WWC2: variants seen among roughly 807,000 people sequenced by gnomAD.
WWC2 encodes the protein WW and C2 domain containing 2, also known as protein WWC2.
In WWC2, 101 loss-of-function variants were observed where a neutral mutation model predicts 138.5. The observed-to-expected ratio is 0.73, with a 90% confidence interval of 0.62 to 0.86. The LOEUF is 0.86. Among genes scored for constraint, WWC2 ranks in the 40% least tolerant of loss-of-function variants. The pLI, the probability that WWC2 is intolerant of heterozygous loss-of-function variation, is 0.00. For missense variants in WWC2, 1,420 were observed against 1,419.4 expected (o/e 1.00, Z -0.01); for synonymous variants, 558 against 538.4 (o/e 1.04, Z -0.50).
chr4:183,137,372 ATATT>A (rs900698146), intron 1 of WWC2, among the ~76,000 whole-genome samples: 109 of 152,048 alleles, frequency 7.2e-4, no homozygotes, highest in Non-Finnish European at 1.3e-3. Context: ...TTGTTTTAAA[ATATT>A]TATTTATTTT....
Position 183,113,521 on chromosome 4 carries a change from C to T in WWC2, c.131+13899C>T, listed in dbSNP as rs533873839. Among the ~76,000 whole-genome samples, 658 of 146,616 alleles carry T rather than the reference C, an allele frequency of 4.5e-3. 2 individuals are homozygous for T. The highest frequency in any genetic ancestry group is 0.017 in the Middle Eastern group (5 of 286). ...GTGTGTGTGTGTGTGTGTGTGCGCG[C>T]GCGTGCGCGCGCACATGCACGTGCA... On this transcript the variant is annotated intron_variant, in intron 1 of 22. Transcript: ENST00000403733.
At position 183,312,413 on chromosome 4, in the gene WWC2, G is replaced by A. The variant is rs141307236; in HGVS notation, c.3457G>A (p.Val1153Met). 47 of 1,613,716 alleles carry A rather than the reference G, an allele frequency of 2.9e-5. 1 individual carries two copies. The highest frequency in any genetic ancestry group is 3.3e-4 in the Middle Eastern group (2 of 6,084). Residue 1153 changes from valine to methionine, a missense_variant, in exon 22 of 23, where the codon GTG becomes ATG. Val to Met is a conservative substitution (Grantham distance 21). Coordinates refer to ENST00000403733, the MANE Select transcript of WWC2 (RefSeq NM_024949.6). The stretch of plus-strand genomic sequence containing the variant: ...GTTGATGAGGCAAGTCTCCAAGGAC[G>A]TGTGTCGGCTCCGGGAGCAGAGCCA... ...EKLMRQVSKD[V>M]CRLREQSQKV... is the part of the protein sequence containing the mutation.
intron 1 of WWC2, among the ~76,000 whole-genome samples, chr4:183,120,263 C>T (rs1417478289): frequency 6.6e-6 from 1 of 152,124 alleles, no homozygotes; most frequent in Non-Finnish European, 1.5e-5. Flanking sequence ...TGAAAAACAC[C>T]TTTATTCATG....
chr4:183,282,713 C>T lies in WWC2; in HGVS notation c.2690C>T (p.Thr897Ile). 1.3e-6 allele frequency: 2 copies of T among 1,566,912 alleles called. No homozygotes were observed. The highest frequency in any genetic ancestry group is 1.7e-6 in the Non-Finnish European group (2 of 1,155,052). ...TTGTTTTTGTTTTACCATAGGCTAA[C>T]AATGCTAAGAGAGGCCTCTGATGAA... Reference protein sequence around the residue: ...EPRGPDGDWLTMLREASDEIV... With the variant: ...EPRGPDGDWLIMLREASDEIV... Residue 897 changes from threonine (T) to isoleucine (I), a missense_variant, in exon 18 of 23, where the codon ACA becomes ATA. Coordinates refer to ENST00000403733, the MANE Select transcript of WWC2 (RefSeq NM_024949.6).
At chr4:183,121,403 A>G (rs550703254) in intron 1 of WWC2, among the ~76,000 whole-genome samples, 2 of 152,158 alleles carry the variant, frequency 1.3e-5, no homozygotes, top group East Asian at 3.9e-4. Context: ...GAACATCCCT[A>G]AACCAAAAAT....
At chr4:183,119,557 C>T (rs1263639631) in intron 1 of WWC2, among the ~76,000 whole-genome samples, 1 of 152,132 alleles carries the variant, frequency 6.6e-6, no homozygotes, top group Non-Finnish European at 1.5e-5. Flanking sequence ...AAAGCCCCTC[C>T]TCATATTTAC....
In WWC2 at chr4:183,262,637, T is replaced by A. The variant is rs185870358; in HGVS notation, c.1909+1105T>A. Among the ~76,000 whole-genome samples, 118 of 152,322 alleles carry A rather than the reference T, an allele frequency of 7.7e-4. 1 individual carries two copies. The highest frequency in any genetic ancestry group is 2.5e-3 in the African/African-American group (105 of 41,570). ...TTGTGCGCCCTCTCCTGGGGAGATG[T>A]CAAAGCTACAAGTAGCAGGTTATGG... is the stretch of plus-strand genomic sequence containing the variant. On this transcript the variant is annotated intron_variant, in intron 11 of 22. Transcript: ENST00000403733.
At chr4:183,195,010 G>A (rs1323990572) in intron 2 of WWC2, among the ~76,000 whole-genome samples, 1 of 152,174 alleles carries the variant, frequency 6.6e-6, no homozygotes, top group Non-Finnish European at 1.5e-5. Flanking sequence ...ATCAATGATT[G>A]TGTTTTTAAG....
chr4:183,201,788 A>T (rs1735305911), intron 2 of WWC2, among the ~76,000 whole-genome samples: 1 of 152,182 alleles, frequency 6.6e-6, no homozygotes, highest in African/African-American at 2.4e-5. Context: ...CAGAAAATTG[A>T]TAGTATTTCT....
chr4:183,320,051 G>A lies in WWC2; in HGVS notation c.*4322G>A. 6.2e-7 allele frequency: 1 copy of A among 1,614,060 alleles called. No individual in the cohort carries two copies. Among genetic ancestry groups the A allele is most frequent in the South Asian group, 1.1e-5 (1 of 91,062 alleles). ...TGCATTGCATCCCCACTTCCTCTTG[G>A]ATGACACAGGTTTGCCAGAGTCCCA... On this transcript the variant is annotated 3_prime_UTR_variant, in exon 23 of 23. Transcript: ENST00000403733.
intron 2 of WWC2, among the ~76,000 whole-genome samples, chr4:183,200,516 G>T (rs1169762157): frequency 2.6e-5 from 4 of 151,688 alleles, no homozygotes; most frequent in African/African-American, 9.7e-5. Context: ...TGGTTTCTGT[G>T]GGCCATGAAT....
At chr4:183,243,452 T>C (rs977960990) in intron 5 of WWC2, among the ~76,000 whole-genome samples, 5 of 152,170 alleles carry the variant, frequency 3.3e-5, no homozygotes, top group South Asian at 2.1e-4. Flanking sequence ...CTCAGCCAAG[T>C]TGGTGGATAT....
intron 14 of WWC2, among the ~76,000 whole-genome samples, chr4:183,266,462 C>G (rs1737508386): frequency 6.6e-6 from 1 of 152,154 alleles, no homozygotes; most frequent in African/African-American, 2.4e-5. Context: ...AACCAAGAAT[C>G]CCAACAAAGT....
chr4:183,249,935 A>C lies in WWC2; in HGVS notation c.895A>C (p.Arg299=). 1 of 1,613,682 alleles carries C rather than the reference A, an allele frequency of 6.2e-7. No homozygotes were observed. The highest frequency in any genetic ancestry group is 8.5e-7 in the Non-Finnish European group (1 of 1,179,722). ...TTTCCACTAGATTGGAGTAAGAAGT[A>C]GATCAAATTTAGCTGAAAAGGTCAG... ...SISGDIGVRS[R]SNLAEKVRLS... is the part of the protein sequence containing the mutation. Residue 299 remains arginine (R), a synonymous_variant, in exon 8 of 23, where the codon AGA becomes CGA. Transcript: ENST00000403733.
rs765691328 is a variant in WWC2, at chr4:183,289,594, G to T, written c.3343G>T (p.Asp1115Tyr). 1.9e-6 allele frequency: 3 copies of T among 1,613,840 alleles called. No individual in the cohort carries two copies. In the African/African-American group the frequency reaches 4.0e-5, roughly 22 times the overall value. Residue 1115 changes from aspartate (D) to tyrosine (Y), a missense_variant, in exon 21 of 23, where the codon GAT (aspartate) becomes TAT (tyrosine). Asp to Tyr is a radical substitution (Grantham distance 160). Coordinates refer to ENST00000403733, the MANE Select transcript of WWC2 (RefSeq NM_024949.6). Reference sequence around the variant, plus strand: ...TGACCTTCCACCAGGCGTGCTGGAGGATGAGAGGTTCCAGAGGCTTCTGAA... The same window carrying T: ...TGACCTTCCACCAGGCGTGCTGGAGTATGAGAGGTTCCAGAGGCTTCTGAA... ...ETDLPPGVLE[D>Y]ERFQRLLKQA... is the part of the protein sequence containing the mutation.
chr4:183,314,760 T>G (rs1739377957), intron 22 of WWC2, among the ~76,000 whole-genome samples: 1 of 152,252 alleles, frequency 6.6e-6, no homozygotes, highest in Non-Finnish European at 1.5e-5. Context: ...ACTCGTGGCA[T>G]TTTTTGTTCT....
intron 1 of WWC2, among the ~76,000 whole-genome samples, chr4:183,102,667 C>T (rs989825633): frequency 1.3e-5 from 2 of 152,128 alleles, no homozygotes; most frequent in Admixed American, 6.5e-5. Flanking sequence ...GTTTATTTTT[C>T]AGGCTGAGTG....
chr4:183,151,116 T>C (rs1175979693), intron 1 of WWC2, among the ~76,000 whole-genome samples: 1 of 152,220 alleles, frequency 6.6e-6, no homozygotes, highest in East Asian at 1.9e-4. Context: ...ATCACTACAC[T>C]GTCTTCCACA....
At chr4:183,204,681 A>AGG (rs1399835409) in intron 2 of WWC2, among the ~76,000 whole-genome samples, 1 of 152,220 alleles carries the variant, frequency 6.6e-6, no homozygotes, top group Non-Finnish European at 1.5e-5. Context: ...GAGTTTTGAC[A>AGG]GGTGTATACC....
Sources: allele counts gnomAD v4.1 joint callset (sites outside exome capture counted in the v4.1 genomes callset), GRCh38; gene constraint gnomAD v4.1.1; transcripts MANE v1.5; gene names NCBI Gene and HGNC (gene_info 2026-07-23, HGNC 2026-07-21).